DMXL2: variants seen among roughly 807,000 people sequenced by gnomAD.
DMXL2 encodes the protein dmX-like protein 2.
A neutral mutation model predicts 331.1 loss-of-function variants in DMXL2; 103 were observed. The observed-to-expected ratio is 0.31, with a 90% CI of 0.27 to 0.37. DMXL2 has a LOEUF of 0.37. DMXL2 is among the 10% of genes least tolerant of loss of function. The probability of loss-of-function intolerance (pLI) is 1.00; values close to 1 mark genes in which losing one functional copy is unlikely to be tolerated. For missense variants in DMXL2, 3,171 were observed against 3,642.9 expected (o/e 0.87, Z 3.33); for synonymous variants, 1,281 against 1,252.1 (o/e 1.02, Z -0.49).
Position 51,449,177 on chromosome 15 carries a change from C to T in DMXL2, c.8984G>A (p.Gly2995Asp). 6.2e-7 allele frequency: 1 copy of T among 1,614,038 alleles called. No homozygotes were observed. Among genetic ancestry groups the T allele is most frequent in the Non-Finnish European group, 8.5e-7 (1 of 1,179,936 alleles). The change falls in exon 44 of 44, where the codon GGC becomes GAC. Residue 2995 changes from glycine to aspartate, a missense_variant. Coordinates refer to ENST00000560891, the MANE Select transcript of DMXL2 (RefSeq NM_001378457.1). ...EGNIKVWRLTGHGLIHSFKSE... is the reference protein window; with the variant it reads ...EGNIKVWRLTDHGLIHSFKSE... Reference sequence around the variant, plus strand: ...TTTAAATGAATGAATTAGGCCATGGCCTGTCAATCTCCAAACCTAGTGCAA... The same window carrying T: ...TTTAAATGAATGAATTAGGCCATGGTCTGTCAATCTCCAAACCTAGTGCAA...
chr15:51,502,106 C>T (rs2043669793), intron 17 of DMXL2, among the ~76,000 whole-genome samples: 1 of 150,382 alleles, frequency 6.6e-6, no homozygotes, highest in Non-Finnish European at 1.5e-5. Context: ...GTGGTGGATG[C>T]CTGTAGTCCC....
chr15:51,611,946 C>T (rs1362581917), intron 1 of DMXL2, among the ~76,000 whole-genome samples: 8 of 152,174 alleles, frequency 5.3e-5, no homozygotes, highest in Non-Finnish European at 5.9e-5. Context: ...CAGCCAGTAG[C>T]GGCAACCCGC....
chr15:51,453,615 T>C lies in DMXL2; in HGVS notation c.8631A>G (p.Thr2877=). ...AAGAGGTAATAAATGCAAAGTCACT[T>C]GTGGCTTTACTGTGGCACTGCCAAC... ...YMSWQCHSKA[T]SDFAFITSSS... is the part of the protein sequence containing the mutation. The change falls in exon 41 of 44, where the codon ACA becomes ACG. Residue 2877 remains threonine, a synonymous_variant. Transcript: ENST00000560891. 6.2e-7 allele frequency: 1 copy of C among 1,613,768 alleles called. No individual in the cohort carries two copies. The highest frequency in any genetic ancestry group is 2.2e-5 in the East Asian group (1 of 44,816).
chr15:51,577,202 A>C (rs2141140286), intron 1 of DMXL2, among the ~76,000 whole-genome samples: 1 of 152,264 alleles, frequency 6.6e-6, no homozygotes, highest in Middle Eastern at 3.4e-3. Flanking sequence ...CTGTTTCCAC[A>C]CCCTTAAGCA....
At chr15:51,565,856 C>T (rs1453032796) in intron 3 of DMXL2, among the ~76,000 whole-genome samples, 2 of 152,032 alleles carry the variant, frequency 1.3e-5, no homozygotes, top group Admixed American at 6.5e-5. Context: ...AACGGTAATG[C>T]CATTTTGTGT....
In DMXL2 at chr15:51,533,208, TG is replaced by T. The variant is rs538402779; in HGVS notation, c.2436+2454del. On this transcript the variant is annotated intron_variant, in intron 13 of 43. Coordinates refer to ENST00000560891, the MANE Select transcript of DMXL2 (RefSeq NM_001378457.1). The stretch of plus-strand genomic sequence containing the variant: ...GTTGTTTACTGTATATATTTAGAGA[TG>T]GGGGGGTCTCACTATGTTGCCCAGG... Among the ~76,000 whole-genome samples, 104 of 152,086 alleles carry T rather than the reference TG, an allele frequency of 6.8e-4. 6 individuals carry two copies. In the South Asian group the frequency reaches 0.021, roughly 31 times the overall value.
Position 51,622,581 on chromosome 15 carries a change from T to A in DMXL2, c.-36A>T, listed in dbSNP as rs6493514. On this transcript the variant is annotated 5_prime_UTR_variant, in exon 1 of 44. Transcript: ENST00000560891. ...CGGGCTGGACAGAATGCGCGGGAGGTGCGACAAGCTCCGCGCCTGACCCTC... is the reference window on the plus strand; with the variant it reads ...CGGGCTGGACAGAATGCGCGGGAGGAGCGACAAGCTCCGCGCCTGACCCTC... 23 of 1,533,836 alleles carry A rather than the reference T, an allele frequency of 1.5e-5. No homozygotes were observed. The highest frequency in any genetic ancestry group is 2.0e-5 in the Non-Finnish European group (23 of 1,137,302).
intron 1 of DMXL2, 75 bp downstream of exon 1, chr15:51,622,384 C>A (rs1265741379): frequency 4.3e-5 from 66 of 1,535,170 alleles, no homozygotes; most frequent in Non-Finnish European, 5.8e-5. Flanking sequence ...AGGAGGCGTG[C>A]GCCCTGGACA....
At chr15:51,450,609 G>C (rs2039047112) in intron 42 of DMXL2, 1 of 427,278 alleles carries the variant, frequency 2.3e-6, no homozygotes, top group Non-Finnish European at 4.3e-6. Context: ...AGCCCTAAGT[G>C]ATACTGCCTC....
At chr15:51,500,937 TGG>T (rs980853602) in intron 17 of DMXL2, among the ~76,000 whole-genome samples, 1 of 152,210 alleles carries the variant, frequency 6.6e-6, no homozygotes, top group Non-Finnish European at 1.5e-5. Context: ...TCATTAACAG[TGG>T]GAAAGCTACT....
chr15:51,481,722 A>T (rs2042025450), intron 23 of DMXL2, 99 bp from the exon 24 acceptor site: 4 of 1,143,304 alleles, frequency 3.5e-6, no homozygotes, highest in Non-Finnish European at 4.9e-6. Context: ...AAAAAACAAC[A>T]TGTAAATATT....
chr15:51,560,033 T>C (rs1485576871), intron 6 of DMXL2, among the ~76,000 whole-genome samples: 2 of 152,200 alleles, frequency 1.3e-5, no homozygotes, highest in South Asian at 2.1e-4. Flanking sequence ...AGAAATGGTA[T>C]GGCAGATCAA....
intron 1 of DMXL2, among the ~76,000 whole-genome samples, chr15:51,587,842 C>T (rs1270579450): frequency 6.6e-6 from 1 of 152,132 alleles, no homozygotes; most frequent in Non-Finnish European, 1.5e-5. Flanking sequence ...TGTTTCCTGA[C>T]TTTTTAATGA....
intron 1 of DMXL2, among the ~76,000 whole-genome samples, chr15:51,580,004 G>T (rs1334642602): frequency 6.6e-6 from 1 of 152,164 alleles, no homozygotes; most frequent in Non-Finnish European, 1.5e-5. Context: ...TAAAGTTCCT[G>T]CTCTTTCCAT....
At chr15:51,545,139 T>C (rs1366125803) in intron 8 of DMXL2, among the ~76,000 whole-genome samples, 3 of 152,110 alleles carry the variant, frequency 2.0e-5, no homozygotes, top group South Asian at 2.1e-4. Context: ...TTAATAAACA[T>C]CTTTATTCTT....
chr15:51,497,913 T>C (rs989170993), intron 18 of DMXL2, among the ~76,000 whole-genome samples: 4 of 148,336 alleles, frequency 2.7e-5, no homozygotes, highest in African/African-American at 9.8e-5. Context: ...AAAGAAAAAA[T>C]CATAGGGATC....
At chr15:51,475,309 T>C (rs2041478076) in intron 27 of DMXL2, among the ~76,000 whole-genome samples, 1 of 152,132 alleles carries the variant, frequency 6.6e-6, no homozygotes, top group South Asian at 2.1e-4. Context: ...CTGACCAATA[T>C]GGTGAAACCC....
intron 1 of DMXL2, among the ~76,000 whole-genome samples, chr15:51,601,460 T>C (rs183937007): frequency 7.0e-4 from 106 of 152,292 alleles, no homozygotes; most frequent in African/African-American, 2.5e-3. Flanking sequence ...TGGGGTGAGA[T>C]AGGGACCAAG....
chr15:51,479,715 A>T (rs551704151), intron 25 of DMXL2, among the ~76,000 whole-genome samples: 1 of 152,348 alleles, frequency 6.6e-6, no homozygotes, highest in South Asian at 2.1e-4. Context: ...CTGTCAAGAA[A>T]ATTAGTTTTA....
Sources: gnomAD v4.1 joint callset for allele counts (sites outside exome capture counted in the v4.1 genomes callset) on GRCh38, gnomAD v4.1.1 for gene constraint, MANE v1.5 for transcripts, NCBI Gene and HGNC (gene_info 2026-07-23, HGNC 2026-07-21) for gene names.